The following TSPAN3 variants were observed in gnomAD, a reference collection of about 807,000 sequenced individuals.
TSPAN3 encodes tetraspanin-3.
A neutral mutation model predicts 31.1 loss-of-function variants in TSPAN3; 9 were observed. The ratio of observed to expected loss-of-function variants is 0.29; its 90% CI spans 0.17 to 0.50. The LOEUF (loss-of-function observed/expected upper bound fraction) is 0.50. Ranked by LOEUF, TSPAN3 falls within the 20% of genes least tolerant of loss-of-function variation. The pLI is 0.98. For missense variants in TSPAN3, 252 were observed against 313.5 expected, an observed-to-expected ratio of 0.80 and a Z score of 1.48; for synonymous variants, 129 against 114.3, an observed-to-expected ratio of 1.13 and a Z score of -0.82.
intron 2 of TSPAN3, 86 bp downstream of exon 2, chr15:77,055,978 T>C (rs918254125): frequency 2.6e-6 from 4 of 1,520,324 alleles, no homozygotes; most frequent in African/African-American, 2.8e-5. Flanking sequence ...GTTAACTCTG[T>C]TCCAACTATA....
intron 6 of TSPAN3, 30 bp downstream of exon 6, chr15:77,052,355 C>G (rs776968587): frequency 6.2e-7 from 1 of 1,604,936 alleles, no homozygotes; most frequent in Non-Finnish European, 8.5e-7. Context: ...CAACTCACTC[C>G]GATAGAACTC....
At chr15:77,070,586 G>A (rs567197491) in intron 1 of TSPAN3, among the ~76,000 whole-genome samples, 3 of 151,632 alleles carry the variant, frequency 2.0e-5, no homozygotes, top group South Asian at 2.1e-4. Flanking sequence ...CGACTCCGGG[G>A]GGGGGAGACT....
At chr15:77,053,818 G>C (rs1036340361) in intron 4 of TSPAN3, among the ~76,000 whole-genome samples, 1 of 151,930 alleles carries the variant, frequency 6.6e-6, no homozygotes, top group Middle Eastern at 3.2e-3. Context: ...TTCTTATCTT[G>C]TTTTCTAAAG....
intron 5 of TSPAN3, 32 bp downstream of exon 5, chr15:77,052,745 A>C: frequency 1.9e-6 from 3 of 1,606,008 alleles, no homozygotes; most frequent in Non-Finnish European, 1.7e-6. Context: ...AGGTTAATCA[A>C]GCTAGACTCA....
At chr15:77,057,376 G>A (rs1192232121) in intron 1 of TSPAN3, among the ~76,000 whole-genome samples, 1 of 152,066 alleles carries the variant, frequency 6.6e-6, no homozygotes, top group African/African-American at 2.4e-5. Context: ...CAGTGATACT[G>A]GAAATATCAT....
chr15:77,054,935 C>G (rs2076758512), intron 3 of TSPAN3: 1 of 152,210 alleles, frequency 6.6e-6, no homozygotes, highest in Non-Finnish European at 1.5e-5. Flanking sequence ...CCTCCTTACC[C>G]CTCGGAGGAC....
Position 77,052,856 on chromosome 15 carries a change from C to G in TSPAN3, c.506G>C (p.Ser169Thr), listed in dbSNP as rs1192642077. 3 of 1,614,004 alleles carry G rather than the reference C, an allele frequency of 1.9e-6. No individual in the cohort carries two copies. Among genetic ancestry groups the G allele is most frequent in the Non-Finnish European group, 2.5e-6 (3 of 1,180,008 alleles). ...CTCTCTGCAGCAGCTAAGAGGGACA[C>G]TCTGGTTTTTGGTTTCTTTGAACCA... The part of the protein sequence containing the change: ...TDWFKETKNQ[S>T]VPLSCCRETA... The change falls in exon 5 of 7, where the codon AGT (serine) becomes ACT (threonine). Residue 169 changes from serine (S) to threonine (T), a missense_variant. Transcript: ENST00000267970.
At chr15:77,056,321 G>A (rs2076768717) in intron 1 of TSPAN3, 66 bp from the exon 2 acceptor site, 1 of 1,283,146 alleles carries the variant, frequency 7.8e-7, no homozygotes, top group East Asian at 2.5e-5. Flanking sequence ...TTATTGCTTA[G>A]TATGGTATAA....
chr15:77,056,034 A>C (rs2076766520), intron 2 of TSPAN3, 30 bp downstream of exon 2: 1 of 1,574,902 alleles, frequency 6.3e-7, no homozygotes, highest in Non-Finnish European at 8.6e-7. Context: ...TAGACTAAAT[A>C]CTCCTGCATG....
chr15:77,051,925 T>C (rs183353229), intron 6 of TSPAN3, among the ~76,000 whole-genome samples: 95 of 152,198 alleles, frequency 6.2e-4, no homozygotes, highest in African/African-American at 2.3e-3. Context: ...GATTTACGTA[T>C]ATGAATATAT....
chr15:77,066,407 T>TA (rs749094406), intron 1 of TSPAN3, among the ~76,000 whole-genome samples: 31 of 151,490 alleles, frequency 2.0e-4, no homozygotes, highest in East Asian at 1.2e-3. Flanking sequence ...CTGTCTCTGT[T>TA]AAAAAAATAC....
At position 77,052,790 on chromosome 15, in the gene TSPAN3, T is replaced by G; in HGVS notation, c.572A>C (p.Asp191Ala). The G allele has an allele frequency of 6.2e-7, 1 of 1,613,838 alleles. No homozygotes were observed. Among genetic ancestry groups the G allele is most frequent in the Non-Finnish European group, 8.5e-7 (1 of 1,179,924 alleles). The change falls in exon 5 of 7, where the codon GAC (aspartate) becomes GCC (alanine). Residue 191 changes from aspartate to alanine, a missense_variant. Physicochemically the swap from Asp to Ala is moderately radical, Grantham distance 126. Coordinates refer to ENST00000267970, the MANE Select transcript of TSPAN3 (RefSeq NM_005724.6). ...CAAGAGACTCACCTCAGCATAGAGG[T>G]CGGAAGGGTGGGCCAGGCTGCCATT... ...NCNGSLAHPS[D>A]LYAEGCEALV...
At chr15:77,068,486 G>C (rs1043340178) in intron 1 of TSPAN3, among the ~76,000 whole-genome samples, 1 of 152,070 alleles carries the variant, frequency 6.6e-6, no homozygotes, top group Non-Finnish European at 1.5e-5. Context: ...CCAATATTTT[G>C]TTACATGAAC....
At chr15:77,061,375 A>T (rs2076799690) in intron 1 of TSPAN3, among the ~76,000 whole-genome samples, 1 of 152,022 alleles carries the variant, frequency 6.6e-6, no homozygotes, top group African/African-American at 2.4e-5. Context: ...TAAAAATACA[A>T]AATTAGCCGG....
Position 77,044,707 on chromosome 15 carries a change from C to A in TSPAN3, c.*2128G>T, listed in dbSNP as rs2076679169. 1 of 152,262 alleles carries A rather than the reference C, an allele frequency of 6.6e-6. No individual in the cohort carries two copies. The highest frequency in any genetic ancestry group is 1.5e-5 in the Non-Finnish European group (1 of 68,114). 9.4% of individuals were successfully genotyped at this position (152,262 alleles called of 1,614,324 possible). A position where few individuals can be genotyped will look rare whatever the true frequency, so the allele number is the denominator to read the frequency against. On this transcript the variant is annotated 3_prime_UTR_variant, in exon 7 of 7. Coordinates refer to ENST00000267970, the MANE Select transcript of TSPAN3 (RefSeq NM_005724.6). ...ACAAGGCTACTGCTTGGCATATTTCCCAAAGCCATTTCCCACTCTAGAGGC... is the reference window on the plus strand; with the variant it reads ...ACAAGGCTACTGCTTGGCATATTTCACAAAGCCATTTCCCACTCTAGAGGC...
At position 77,056,065 on chromosome 15, in the gene TSPAN3, G is replaced by A. The variant is rs143800573; in HGVS notation, c.254C>T (p.Thr85Met). The A allele has an allele frequency of 7.7e-5, 123 of 1,603,650 alleles. 2 individuals carry two copies. Among genetic ancestry groups the A allele is most frequent in the Admixed American group, 2.9e-4 (17 of 58,336 alleles). ...TIRESRCGLA[T>M]FVIILLLVFV... ...GCATGTTCTCACAACACATCTTACC[G>A]TGGCAAGTCCACAGCGACTTTCCCG... is the stretch of plus-strand genomic sequence containing the variant. Residue 85 changes from threonine to methionine, a missense_variant and splice_region_variant, in exon 2 of 7, where the codon ACG becomes ATG. Coordinates refer to ENST00000267970, the MANE Select transcript of TSPAN3 (RefSeq NM_005724.6).
At chr15:77,049,147 A>C (rs2076712478) in intron 6 of TSPAN3, among the ~76,000 whole-genome samples, 1 of 152,216 alleles carries the variant, frequency 6.6e-6, no homozygotes, top group Non-Finnish European at 1.5e-5. Flanking sequence ...AAAAGGTTGC[A>C]AACTATATGA....
At chr15:77,056,018 G>A (rs367828134) in intron 2 of TSPAN3, 46 bp downstream of exon 2, 9 of 1,557,292 alleles carry the variant, frequency 5.8e-6, no homozygotes, top group Non-Finnish European at 6.1e-6. Context: ...TTCAAGGAGA[G>A]TAGCATAGAC....
intron 1 of TSPAN3, among the ~76,000 whole-genome samples, chr15:77,067,198 A>G (rs1373007154): frequency 6.6e-6 from 1 of 152,184 alleles, no homozygotes; most frequent in Non-Finnish European, 1.5e-5. Context: ...TAACCATAGC[A>G]GGAGTTCCCT....
Sources: allele counts gnomAD v4.1 joint callset (sites outside exome capture counted in the v4.1 genomes callset), GRCh38; gene constraint gnomAD v4.1.1; transcripts MANE v1.5; gene names NCBI Gene and HGNC (gene_info 2026-07-23, HGNC 2026-07-21).